RRP1B: variants seen among roughly 807,000 people sequenced by gnomAD.
RRP1B encodes ribosomal RNA processing 1B.
A neutral mutation model predicts 80.2 loss-of-function variants in RRP1B; 56 were observed. That is an observed-to-expected ratio of 0.70 (90% CI 0.56 to 0.87). RRP1B has a LOEUF of 0.87. RRP1B is among the 40% of genes least tolerant of loss of function. The pLI is 0.00. For missense variants in RRP1B, 807 were observed against 939.8 expected, an observed-to-expected ratio of 0.86 and a Z score of 1.85; for synonymous variants, 351 against 357.6, an observed-to-expected ratio of 0.98 and a Z score of 0.21.
rs911202990 is a variant in RRP1B, at chr21:43,687,924, G to A, written c.1550G>A (p.Gly517Glu). Reference sequence around the variant, plus strand: ...GGACCTAGAGGGTCCCCGACAGGTGGAGCCCAACTCCTAAAAAGGAAGCGG... The same window carrying A: ...GGACCTAGAGGGTCCCCGACAGGTGAAGCCCAACTCCTAAAAAGGAAGCGG... ...PQGPRGSPTG[G>E]AQLLKRKRKL... is the part of the protein sequence containing the mutation. Residue 517 changes from glycine to glutamate, a missense_variant, in exon 13 of 16, where the codon GGA (glycine) becomes GAA (glutamate). Coordinates refer to ENST00000340648, the MANE Select transcript of RRP1B (RefSeq NM_015056.3). 85 of 1,613,178 alleles carry A rather than the reference G, an allele frequency of 5.3e-5. No homozygotes were observed. The highest frequency in any genetic ancestry group is 6.1e-5 in the Non-Finnish European group (72 of 1,180,054).
chr21:43,683,847 C>T (rs1234777552), intron 9 of RRP1B, among the ~76,000 whole-genome samples: 1 of 151,644 alleles, frequency 6.6e-6, no homozygotes, highest in Non-Finnish European at 1.5e-5. Context: ...GACACCGTGG[C>T]GCACGCCTGT....
At chr21:43,687,381 T>C in intron 12 of RRP1B, 135 bp from the exon 13 acceptor site, 1 of 1,051,950 alleles carries the variant, frequency 9.5e-7, no homozygotes, top group Non-Finnish European at 1.3e-6. Flanking sequence ...ACCAAGTACC[T>C]CAAGGGAGAC....
rs758398928 is a variant in RRP1B at position 43,687,527 on chromosome 21, T to A, written c.1153T>A (p.Phe385Ile). 3 of 1,487,884 alleles carry A rather than the reference T, an allele frequency of 2.0e-6. No individual in the cohort carries two copies. In the South Asian group the frequency reaches 4.2e-5, roughly 21 times the overall value. 92.2% of individuals were successfully genotyped at this position (1,487,884 alleles called of 1,614,324 possible). ...NLEKEKGSRV[F>I]CVEEEDSESS... The stretch of plus-strand genomic sequence containing the variant: ...TTCTGTCTTTTTAGGAAGCAGAGTC[T>A]TTTGTGTAGAGGAAGAGGACAGTGA... Residue 385 changes from phenylalanine to isoleucine, a missense_variant, in exon 13 of 16, where the codon TTT becomes ATT. By Grantham distance (21) the Phe-to-Ile change is conservative (BLOSUM62 0). Transcript: ENST00000340648.
chr21:43,673,347 A>G (rs1367139111), intron 3 of RRP1B, among the ~76,000 whole-genome samples: 1 of 152,126 alleles, frequency 6.6e-6, no homozygotes, highest in Non-Finnish European at 1.5e-5. Context: ...AATTCAAAAG[A>G]CCAAGGCCAG....
chr21:43,683,159 C>A, intron 8 of RRP1B, 120 bp from the exon 9 acceptor site: 1 of 700,918 alleles, frequency 1.4e-6, no homozygotes, highest in Non-Finnish European at 2.4e-6. Context: ...AGGCGTGAGC[C>A]ACCGTGCCCA....
chr21:43,691,292 T>C lies in RRP1B; in HGVS notation c.2020-147T>C, dbSNP rs1436164702. 1 of 653,496 alleles carries C rather than the reference T, an allele frequency of 1.5e-6. No individual in the cohort carries two copies. Among genetic ancestry groups the C allele is most frequent in the South Asian group, 1.9e-5 (1 of 52,132 alleles). 40.5% of individuals were successfully genotyped at this position (653,496 alleles called of 1,614,324 possible). ...GGGTCGGTTTCAGTCTTGGCCGCAG[T>C]CCCTTTGGCCTCTCCCTATATGTGC... On this transcript the variant is annotated intron_variant, in intron 14 of 15. Coordinates refer to ENST00000340648, the MANE Select transcript of RRP1B (RefSeq NM_015056.3). This position sits in a 1 kb window ranked among gnomAD's most constrained non-coding sequence, Gnocchi z 4.2.
intron 13 of RRP1B, among the ~76,000 whole-genome samples, chr21:43,688,665 ATTCTT>A (rs1214378387): frequency 2.0e-5 from 3 of 152,110 alleles, no homozygotes; most frequent in Non-Finnish European, 2.9e-5. Flanking sequence ...TCTTTTCTAT[ATTCTT>A]TTCTTTTCTT....
chr21:43,672,461 A>T, intron 3 of RRP1B, 96 bp downstream of exon 3: 1 of 1,034,352 alleles, frequency 9.7e-7, no homozygotes, highest in Non-Finnish European at 1.5e-6. Flanking sequence ...TCAGGGGACA[A>T]GCCATTCCTG....
chr21:43,677,908 A>G (rs991628132), intron 8 of RRP1B, among the ~76,000 whole-genome samples: 1 of 152,222 alleles, frequency 6.6e-6, no homozygotes, highest in African/African-American at 2.4e-5. Context: ...TCATTGGTCA[A>G]TGGGCATTCA....
At chr21:43,674,954 C>G in intron 5 of RRP1B, 80 bp from the exon 6 acceptor site, 55 of 1,553,804 alleles carry the variant, frequency 3.5e-5, no homozygotes, top group Non-Finnish European at 4.8e-5. Context: ...AGGTTCTAGA[C>G]GGAGTATTTT....
intron 8 of RRP1B, among the ~76,000 whole-genome samples, chr21:43,678,796 T>G (rs1312728838): frequency 6.6e-6 from 1 of 152,242 alleles, no homozygotes; most frequent in Non-Finnish European, 1.5e-5. Flanking sequence ...GTTTCTGTTT[T>G]CATTGCATTC....
chr21:43,691,812 A>G lies in RRP1B; in HGVS notation c.2083+310A>G, dbSNP rs1319695069. ...CAGGTGCACGCCATCACATCCAGCT[A>G]ATTTTTGTATTTTTAGTAAAGATGG... On this transcript the variant is annotated intron_variant, in intron 15 of 15. Transcript: ENST00000340648. The surrounding 1 kb of genome is among the most constrained non-coding windows in gnomAD (Gnocchi z 4.2). Among the ~76,000 whole-genome samples, 1 of 151,672 alleles carries G rather than the reference A, an allele frequency of 6.6e-6. No individual in the cohort carries two copies. Among genetic ancestry groups the G allele is most frequent in the Non-Finnish European group, 1.5e-5 (1 of 67,914 alleles).
intron 1 of RRP1B, among the ~76,000 whole-genome samples, chr21:43,663,373 C>G (rs2082965759): frequency 6.6e-6 from 1 of 151,956 alleles, no homozygotes; most frequent in South Asian, 2.1e-4. Flanking sequence ...TCAAGCAATT[C>G]TCCCGCCTCA....
At chr21:43,692,258 A>G (rs569613794) in intron 15 of RRP1B, among the ~76,000 whole-genome samples, 1 of 152,254 alleles carries the variant, frequency 6.6e-6, no homozygotes, top group Non-Finnish European at 1.5e-5. Flanking sequence ...TACTTTTCAT[A>G]TTGGTGCCAT....
intron 1 of RRP1B, among the ~76,000 whole-genome samples, chr21:43,662,735 T>G (rs990979783): frequency 2.0e-5 from 3 of 152,120 alleles, no homozygotes; most frequent in African/African-American, 7.2e-5. Context: ...CATAAGAGCT[T>G]ATTTGTCCCA....
chr21:43,687,487 T>G, intron 12 of RRP1B, 29 bp from the exon 13 acceptor site: 2 of 1,464,062 alleles, frequency 1.4e-6, no homozygotes, highest in African/African-American at 1.4e-5. Flanking sequence ...TGGCACTGGG[T>G]GCTTGTTGAT....
At position 43,659,610 on chromosome 21, in the gene RRP1B, G is replaced by T. The variant is rs1466010439; in HGVS notation, c.-55G>T. The T allele has an allele frequency of 5.8e-6, 8 of 1,379,302 alleles. No individual in the cohort carries two copies. In the Admixed American group the frequency reaches 1.0e-4, roughly 17 times the overall value. 85.4% of individuals were successfully genotyped at this position (1,379,302 alleles called of 1,614,324 possible). On this transcript the variant is annotated 5_prime_UTR_variant, in exon 1 of 16. Transcript: ENST00000340648. This position sits in a 1 kb window ranked among gnomAD's most constrained non-coding sequence, Gnocchi z 4.2. ...GGTGGCTGGCTGCTCCGCAGCGCTC[G>T]GCTGGCTGCAGCGGCACCGCGGGTT...
In RRP1B at chr21:43,689,830, G is replaced by C. The variant is rs138580347; in HGVS notation, c.1867-458G>C. The stretch of plus-strand genomic sequence containing the variant: ...CCTCTGAGAGCCAAGTACGAGACCC[G>C]GTCTCTCTCTGGGTGGCTGTCAGTT... On this transcript the variant is annotated intron_variant, in intron 13 of 15. Transcript: ENST00000340648. Among the ~76,000 whole-genome samples the C allele has an allele frequency of 8.1e-3, 1,230 of 152,366 alleles. 5 individuals are homozygous for C. The highest frequency in any genetic ancestry group is 0.013 in the Non-Finnish European group (874 of 68,026).
At chr21:43,679,543 G>C (rs921784142) in intron 8 of RRP1B, among the ~76,000 whole-genome samples, 3 of 152,190 alleles carry the variant, frequency 2.0e-5, no homozygotes, top group African/African-American at 7.2e-5. Flanking sequence ...AAAGTGCCGG[G>C]ATTACAGGCA....
Sources: gnomAD v4.1 joint callset for allele counts (sites outside exome capture counted in the v4.1 genomes callset) on GRCh38, gnomAD v4.1.1 for gene constraint, Gnocchi (gnomAD v3.1) non-coding constraint, MANE v1.5 for transcripts, NCBI Gene and HGNC (gene_info 2026-07-23, HGNC 2026-07-21) for gene names.